Variants in LRRC17 observed in about 807,000 individuals in gnomAD.
The protein encoded by LRRC17 is leucine rich repeat containing 17.
A neutral mutation model predicts 41.5 loss-of-function variants in LRRC17; 33 were observed. That is an observed-to-expected ratio of 0.80 (90% CI 0.60 to 1.06). The LOEUF (loss-of-function observed/expected upper bound fraction) is 1.06, where lower values mean the gene tolerates loss of function less well. LRRC17 is among the 50% of genes least tolerant of loss of function. The pLI, the probability that LRRC17 is intolerant of heterozygous loss-of-function variation, is 0.00. For missense variants in LRRC17, 491 were observed against 519.3 expected (o/e 0.95, Z 0.53); for synonymous variants, 192 against 197.0 (o/e 0.97, Z 0.21).
rs1416942312 is a variant in LRRC17, at chr7:102,934,448, C to G, written c.535C>G (p.Gln179Glu). The change falls in exon 2 of 4, where the codon CAG (glutamine) becomes GAG (glutamate). Residue 179 changes from glutamine to glutamate, a missense_variant. Physicochemically the swap from Gln to Glu is conservative, Grantham distance 29. Transcript: ENST00000339431. ...GATAGAAACGCTTATTTCAATGTTGCAGATTCCCAGGAACCGGAATTTGGG... is the reference window on the plus strand; with the variant it reads ...GATAGAAACGCTTATTTCAATGTTGGAGATTCCCAGGAACCGGAATTTGGG... ...CEIETLISML[Q>E]IPRNRNLGNY... The G allele has an allele frequency of 6.2e-7, 1 of 1,614,180 alleles. No homozygotes were observed. Among genetic ancestry groups the G allele is most frequent in the Admixed American group, 1.7e-5 (1 of 60,020 alleles).
At chr7:102,931,824 C>T (rs1819230653) in intron 1 of LRRC17, 4 of 1,509,642 alleles carry the variant, frequency 2.6e-6, no homozygotes, top group Non-Finnish European at 3.7e-6. Flanking sequence ...ATATTGGCAC[C>T]CCAATGTAGC....
At chr7:102,944,178 A>G in intron 3 of LRRC17, 32 bp from the exon 4 acceptor site, 1 of 1,561,252 alleles carries the variant, frequency 6.4e-7, no homozygotes, top group Non-Finnish European at 8.7e-7. Context: ...TAACTCAATT[A>G]CTCAGGCTCA....
chr7:102,934,202 A>G lies in LRRC17; in HGVS notation c.289A>G (p.Lys97Glu). The G allele has an allele frequency of 6.2e-7, 1 of 1,614,242 alleles. No homozygotes were observed. Among genetic ancestry groups the G allele is most frequent in the Non-Finnish European group, 8.5e-7 (1 of 1,180,036 alleles). Residue 97 changes from lysine to glutamate, a missense_variant, in exon 2 of 4, where the codon AAG becomes GAG. Lys to Glu is a moderately conservative substitution (Grantham distance 56, BLOSUM62 1). Transcript: ENST00000339431. Reference protein sequence around the residue: ...LLARNKIRTLKNNMFSKFKKL... With the variant: ...LLARNKIRTLENNMFSKFKKL... The stretch of plus-strand genomic sequence containing the variant: ...AGCAAGAAACAAGATCCGCACATTG[A>G]AGAACAACATGTTTTCCAAGTTTAA...
chr7:102,940,236 A>T, intron 3 of LRRC17, among the ~76,000 whole-genome samples: 1 of 119,004 alleles, frequency 8.4e-6, no homozygotes, highest in African/African-American at 3.3e-5. Flanking sequence ...TTTGAGATGG[A>T]GTCTAGCTCT....
intron 1 of LRRC17, among the ~76,000 whole-genome samples, chr7:102,914,849 G>C (rs1815509626): frequency 6.6e-6 from 1 of 152,194 alleles, no homozygotes; most frequent in South Asian, 2.1e-4. Context: ...TTTTGGAAAT[G>C]CGTTATCTTC....
At chr7:102,922,179 G>T (rs1263186001) in intron 1 of LRRC17, among the ~76,000 whole-genome samples, 1 of 147,278 alleles carries the variant, frequency 6.8e-6, no homozygotes, top group Admixed American at 6.8e-5. Context: ...GACAGAGGAA[G>T]ACTCTGTCTC....
chr7:102,934,419 G>T lies in LRRC17; in HGVS notation c.506G>T (p.Cys169Phe), dbSNP rs550251967. The change falls in exon 2 of 4, where the codon TGT (cysteine) becomes TTT (phenylalanine). Residue 169 changes from cysteine (C) to phenylalanine (F), a missense_variant. Transcript: ENST00000339431. Reference sequence around the variant, plus strand: ...TATGACAACCCCTGGCACTGTACTTGTGAGATAGAAACGCTTATTTCAATG... The same window carrying T: ...TATGACAACCCCTGGCACTGTACTTTTGAGATAGAAACGCTTATTTCAATG... ...RLYDNPWHCT[C>F]EIETLISMLQ... 6.2e-7 allele frequency: 1 copy of T among 1,614,194 alleles called. No homozygotes were observed.
At chr7:102,924,445 G>C (rs1330203300) in intron 1 of LRRC17, among the ~76,000 whole-genome samples, 1 of 152,002 alleles carries the variant, frequency 6.6e-6, no homozygotes, top group East Asian at 1.9e-4. Flanking sequence ...TGCCTGGCAG[G>C]AGGAAGACTG....
Position 102,939,318 on chromosome 7 carries a change from C to A in LRRC17, c.773-112C>A. 3 of 854,870 alleles carry A rather than the reference C, an allele frequency of 3.5e-6. No homozygotes were observed. The South Asian group carries it at 5.7e-5, about 16-fold the overall frequency. 53.0% of individuals were successfully genotyped at this position (854,870 alleles called of 1,614,324 possible). A position where few individuals can be genotyped will look rare whatever the true frequency, so the allele number is the denominator to read the frequency against. ...ACTAACTTTCTTTGGCTTTAGATAT[C>A]CCTTTACCCCTTCTCTTTAAGAGCT... On this transcript the variant is annotated intron_variant, in intron 2 of 3. Coordinates refer to ENST00000339431, the MANE Select transcript of LRRC17 (RefSeq NM_001031692.3).
At chr7:102,923,334 G>C (rs1225235408) in intron 1 of LRRC17, among the ~76,000 whole-genome samples, 2 of 152,046 alleles carry the variant, frequency 1.3e-5, no homozygotes, top group Non-Finnish European at 2.9e-5. Context: ...GATGTTTTCC[G>C]TGGTATAGAA....
chr7:102,916,313 A>G (rs1464689616), intron 1 of LRRC17, among the ~76,000 whole-genome samples: 1 of 152,142 alleles, frequency 6.6e-6, no homozygotes, highest in South Asian at 2.1e-4. Context: ...ATCCCCCATT[A>G]AAATTCATGG....
chr7:102,934,118 G>A lies in LRRC17; in HGVS notation c.205G>A (p.Glu69Lys). The A allele has an allele frequency of 6.2e-7, 1 of 1,614,100 alleles. No individual in the cohort carries two copies. Among genetic ancestry groups the A allele is most frequent in the Non-Finnish European group, 8.5e-7 (1 of 1,179,938 alleles). The change falls in exon 2 of 4, where the codon GAA (glutamate) becomes AAA (lysine). Residue 69 changes from glutamate (E) to lysine (K), a missense_variant. By Grantham distance (56) the Glu-to-Lys change is moderately conservative. Coordinates refer to ENST00000339431, the MANE Select transcript of LRRC17 (RefSeq NM_001031692.3). ...YLHEKYLDCQ[E>K]RKLVYVLPGW... is the part of the protein sequence containing the mutation. ...CCATGAGAAATACTTAGATTGTCAA[G>A]AAAGAAAATTAGTTTATGTGCTGCC...
At chr7:102,926,467 A>G in intron 1 of LRRC17, 2 of 898,730 alleles carry the variant, frequency 2.2e-6, no homozygotes, top group Non-Finnish European at 3.4e-6. Flanking sequence ...CCTGTTCCAG[A>G]AAAAAATACA....
intron 1 of LRRC17, among the ~76,000 whole-genome samples, chr7:102,914,666 A>G (rs1451557966): frequency 6.6e-6 from 1 of 152,238 alleles, no homozygotes; most frequent in Non-Finnish European, 1.5e-5. Context: ...TTGATTCAGA[A>G]CACACATCCC....
intron 1 of LRRC17, among the ~76,000 whole-genome samples, chr7:102,917,912 G>A (rs769485510): frequency 3.1e-4 from 47 of 152,172 alleles, no homozygotes; most frequent in Non-Finnish European, 5.6e-4. Context: ...CCTGGAATGG[G>A]CATGAGCTTT....
At chr7:102,925,626 A>C (rs775080187) in intron 1 of LRRC17, among the ~76,000 whole-genome samples, 1 of 152,002 alleles carries the variant, frequency 6.6e-6, no homozygotes, top group Non-Finnish European at 1.5e-5. Flanking sequence ...CAAAGTTGGT[A>C]ATCAGGATGT....
chr7:102,922,977 C>T (rs1418732540), intron 1 of LRRC17, among the ~76,000 whole-genome samples: 1 of 150,676 alleles, frequency 6.6e-6, no homozygotes, highest in Non-Finnish European at 1.5e-5. Flanking sequence ...GACTCCGTCT[C>T]AACAAAAAAA....
chr7:102,923,198 T>G (rs1817424536), intron 1 of LRRC17, among the ~76,000 whole-genome samples: 1 of 152,220 alleles, frequency 6.6e-6, no homozygotes, highest in African/African-American at 2.4e-5. Context: ...TTGTGCTATT[T>G]CACAATGTCG....
intron 1 of LRRC17, among the ~76,000 whole-genome samples, chr7:102,915,959 T>G (rs1257610179): frequency 6.6e-6 from 1 of 152,136 alleles, no homozygotes; most frequent in East Asian, 1.9e-4. Flanking sequence ...CAATTACAGT[T>G]AATAAAAGTA....
Sources: gnomAD v4.1 joint callset for allele counts (sites outside exome capture counted in the v4.1 genomes callset) on GRCh38, gnomAD v4.1.1 for gene constraint, MANE v1.5 for transcripts, NCBI Gene and HGNC (gene_info 2026-07-23, HGNC 2026-07-21) for gene names.